Variants in TMEM91 observed in about 807,000 individuals in gnomAD.
TMEM91 encodes dispanin subfamily C member 3.
In TMEM91, 6 loss-of-function variants were observed where a neutral mutation model predicts 13.3. That is an observed-to-expected ratio of 0.45 (90% CI 0.25 to 0.89). TMEM91 has a LOEUF of 0.89. Ranked by LOEUF, TMEM91 falls within the 40% of genes least tolerant of loss-of-function variation. TMEM91 has a pLI of 0.19. For missense variants in TMEM91, 193 were observed against 228.7 expected (o/e 0.84, Z 1.01); for synonymous variants, 87 against 101.7 (o/e 0.86, Z 0.87).
At chr19:41,382,353 G>A (rs117360154) in intron 2 of TMEM91, among the ~76,000 whole-genome samples, 2,911 of 151,878 alleles carry the variant, frequency 0.019, 52 homozygotes, top group Admixed American at 0.061. Context: ...GCCAGGTGTG[G>A]TGGCTCATGC....
chr19:41,382,959 A>C, intron 3 of TMEM91, 38 bp downstream of exon 3: 1 of 1,601,466 alleles, frequency 6.2e-7, no homozygotes, highest in South Asian at 1.1e-5. Flanking sequence ...GACTGGGCAT[A>C]AAAGAGAAAA....
chr19:41,365,378 A>ATTGAAATG (rs1236552218), intron 1 of TMEM91, among the ~76,000 whole-genome samples: 1 of 152,164 alleles, frequency 6.6e-6, no homozygotes, highest in Admixed American at 6.6e-5. Flanking sequence ...ATGTTATCCT[A>ATTGAAATG]TTGAAATGTT....
intron 1 of TMEM91, among the ~76,000 whole-genome samples, chr19:41,371,511 C>G (rs1326415135): frequency 6.6e-6 from 1 of 151,770 alleles, no homozygotes; most frequent in Admixed American, 6.6e-5. Flanking sequence ...CCTCCACCTC[C>G]TGGGTTCCAG....
chr19:41,379,855 C>T (rs1213456649), intron 2 of TMEM91, among the ~76,000 whole-genome samples: 3 of 141,122 alleles, frequency 2.1e-5, no homozygotes, highest in Admixed American at 2.1e-4. Flanking sequence ...TGGCTGGGCA[C>T]TTTTCTCTCT....
intron 1 of TMEM91, among the ~76,000 whole-genome samples, chr19:41,369,696 T>A (rs1437295058): frequency 6.6e-6 from 1 of 151,486 alleles, no homozygotes; most frequent in Non-Finnish European, 1.5e-5. Context: ...TAGTCCCAGC[T>A]ACTCGGGAGG....
intron 1 of TMEM91, among the ~76,000 whole-genome samples, chr19:41,369,287 C>T (rs962495096): frequency 6.6e-6 from 1 of 152,026 alleles, no homozygotes; most frequent in Non-Finnish European, 1.5e-5. Context: ...AAGTGATTCT[C>T]CTGCCTCAGC....
chr19:41,373,016 G>T (rs2038648917), upstream of TMEM91, among the ~76,000 whole-genome samples: 1 of 152,030 alleles, frequency 6.6e-6, no homozygotes, highest in Admixed American at 6.6e-5. Context: ...ATGGCTCACT[G>T]CAACCTCCAC....
At chr19:41,375,297 T>TTTCTTTTC (rs869066634), upstream of TMEM91, among the ~76,000 whole-genome samples, 1 of 113,262 alleles carries the variant, frequency 8.8e-6, no homozygotes, top group Non-Finnish European at 1.8e-5. Flanking sequence ...TTTTTTTTTT[T>TTTCTTTTC]TGAGACGGAG....
chr19:41,377,894 G>C (rs1961743744), intron 1 of TMEM91, among the ~76,000 whole-genome samples: 1 of 151,802 alleles, frequency 6.6e-6, no homozygotes, highest in South Asian at 2.1e-4. Flanking sequence ...GTGGGCGCCT[G>C]TAATCCCAGC....
At chr19:41,374,981 C>CTTGTTG (rs1223721728), upstream of TMEM91, among the ~76,000 whole-genome samples, 1 of 152,100 alleles carries the variant, frequency 6.6e-6, no homozygotes, top group East Asian at 1.9e-4. Flanking sequence ...GAAACTCCAT[C>CTTGTTG]TCAAACAAAC....
upstream of TMEM91, among the ~76,000 whole-genome samples, chr19:41,375,273 CTTTT>C (rs906641411): frequency 2.7e-4 from 16 of 58,646 alleles, no homozygotes; most frequent in East Asian, 4.8e-4. Context: ...ATTTTCTTTT[CTTTT>C]TTTTTTTTTT....
intron 1 of TMEM91, among the ~76,000 whole-genome samples, chr19:41,365,552 GCA>G (rs2038505994): frequency 2.0e-5 from 3 of 150,480 alleles, no homozygotes; most frequent in African/African-American, 7.4e-5. Context: ...CTACAGGCGT[GCA>G]CCACCACACC....
intron 1 of TMEM91, among the ~76,000 whole-genome samples, chr19:41,371,004 G>GT (rs1269781308): frequency 2.0e-5 from 3 of 149,384 alleles, no homozygotes; most frequent in African/African-American, 7.4e-5. Flanking sequence ...TGTCTGGCCT[G>GT]TTTTTTATTT....
chr19:41,367,625 A>G (rs1237561365), intron 1 of TMEM91, among the ~76,000 whole-genome samples: 2 of 152,122 alleles, frequency 1.3e-5, no homozygotes, highest in African/African-American at 2.4e-5. Flanking sequence ...GAGTGAGACA[A>G]AGTCTCAAAA....
chr19:41,370,764 G>A (rs570499888), intron 1 of TMEM91, among the ~76,000 whole-genome samples: 68 of 151,392 alleles, frequency 4.5e-4, no homozygotes, highest in African/African-American at 1.6e-3. Context: ...GTGTAGCAAC[G>A]TGATCTCTGT....
At chr19:41,378,740 C>T (rs1010221561) in intron 2 of TMEM91, among the ~76,000 whole-genome samples, 1 of 152,118 alleles carries the variant, frequency 6.6e-6, no homozygotes, top group Non-Finnish European at 1.5e-5. Context: ...CCTCTGATCT[C>T]AGACTCCGCT....
In TMEM91 at chr19:41,370,988, C is replaced by G. The variant is rs143809019; in HGVS notation, c.-30+6893C>G. ...AAAGTGCTGGGATTACAGGCGTGAG[C>G]TACCGTGTCTGGCCTGTTTTTTATT... On this transcript the variant is annotated intron_variant, in intron 1 of 3. Coordinates refer to the TMEM91 transcript ENST00000413014. 9.8e-3 allele frequency among the ~76,000 whole-genome samples: 1,488 copies of G among 151,672 alleles called. 32 individuals carry two copies. Among genetic ancestry groups the G allele is most frequent in the African/African-American group, 0.034 (1,403 of 41,320 alleles).
intron 2 of TMEM91, 76 bp downstream of exon 2, chr19:41,378,595 G>T: frequency 6.7e-7 from 1 of 1,487,654 alleles, no homozygotes; most frequent in Non-Finnish European, 9.2e-7. Context: ...CATCTGGCAG[G>T]TTGACAGCTG....
intron 1 of TMEM91, among the ~76,000 whole-genome samples, chr19:41,366,052 C>CTTTTTTTTTTTTTTTTTTTTTTTTT (rs11375696): frequency 9.4e-6 from 1 of 105,840 alleles, no homozygotes; most frequent in Non-Finnish European, 1.8e-5. Flanking sequence ...TATTTATTTA[C>CTTTTTTTTTTTTTTTTTTTTTTTTT]TTTTTTTTTT....
Sources: gnomAD v4.1 joint callset for allele counts (sites outside exome capture counted in the v4.1 genomes callset) on GRCh38, gnomAD v4.1.1 for gene constraint, MANE v1.5 for transcripts, NCBI Gene and HGNC (gene_info 2026-07-23, HGNC 2026-07-21) for gene names.